Variants in NXN observed in about 807,000 individuals in gnomAD.
NXN encodes nucleoredoxin, also known as nucleoredoxin 1.
In NXN, 16 loss-of-function variants were observed where a neutral mutation model predicts 48.6. That is an observed-to-expected ratio of 0.33 (90% CI 0.22 to 0.50). The LOEUF (loss-of-function observed/expected upper bound fraction) is 0.50. Ranked by LOEUF, NXN falls within the 20% of genes least tolerant of loss-of-function variation. The probability of loss-of-function intolerance (pLI) is 0.98; values close to 1 mark genes in which losing one functional copy is unlikely to be tolerated. For missense variants in NXN, 492 were observed against 605.5 expected, an observed-to-expected ratio of 0.81 and a Z score of 1.97; for synonymous variants, 281 against 269.6, an observed-to-expected ratio of 1.04 and a Z score of -0.41.
In NXN at chr17:825,989, C is replaced by G. The variant is rs1352389995; in HGVS notation, c.450G>C (p.Gly150=). 6.2e-7 allele frequency: 1 copy of G among 1,613,066 alleles called. No homozygotes were observed. Among genetic ancestry groups the G allele is most frequent in the African/African-American group, 1.3e-5 (1 of 74,886 alleles). ...CTGGGTCATCTCGGATCACCAGCAG[C>G]CCGTTCCTGCACACAACCTTCCCAG... The part of the protein sequence containing the change: ...ATTGKVVCRN[G]LLVIRDDPEG... Residue 150 remains glycine, a synonymous_variant, in exon 2 of 8, where the codon GGG becomes GGC. Transcript: ENST00000336868. This position sits in a 1 kb window ranked among gnomAD's most constrained non-coding sequence, Gnocchi z 4.1.
At chr17:903,448 C>G (rs1303946889) in intron 1 of NXN, among the ~76,000 whole-genome samples, 1 of 152,034 alleles carries the variant, frequency 6.6e-6, no homozygotes, top group East Asian at 1.9e-4. Context: ...GTGGTATGAT[C>G]ACAGCTCACT....
chr17:837,474 T>C (rs1361859074), intron 1 of NXN, among the ~76,000 whole-genome samples: 1 of 152,140 alleles, frequency 6.6e-6, no homozygotes, highest in Non-Finnish European at 1.5e-5. Flanking sequence ...AAATGATAGA[T>C]GAACAACAAA....
intron 6 of NXN, 156 bp from the exon 7 acceptor site, chr17:803,962 C>T (rs549563442): frequency 1.6e-5 from 14 of 886,848 alleles, no homozygotes; most frequent in Non-Finnish European, 2.1e-5. Context: ...TCTTGCTCCC[C>T]GCATGCATGG....
chr17:872,314 G>C (rs1461220266), intron 1 of NXN, among the ~76,000 whole-genome samples: 22 of 151,304 alleles, frequency 1.5e-4, no homozygotes. Context: ...CTAGGAGAGA[G>C]AGAGAGAGAG....
intron 1 of NXN, among the ~76,000 whole-genome samples, chr17:971,850 T>C (rs1370847183): frequency 6.6e-6 from 1 of 152,144 alleles, no homozygotes; most frequent in Non-Finnish European, 1.5e-5. Flanking sequence ...CATGCACCAC[T>C]GGGAATTCAG....
chr17:820,061 G>A (rs2467251), intron 4 of NXN, among the ~76,000 whole-genome samples: 101,682 of 151,768 alleles, frequency 0.67, 34,812 homozygotes, highest in African/African-American at 0.81. Flanking sequence ...AGACCCATGT[G>A]GGGCTGGGGT....
intron 1 of NXN, among the ~76,000 whole-genome samples, chr17:953,398 G>A (rs1597272052): frequency 6.6e-6 from 1 of 152,108 alleles, no homozygotes; most frequent in African/African-American, 2.4e-5. Flanking sequence ...CTGGGAGACA[G>A]AGCGAGACTC....
chr17:812,979 TGC>T (rs1912245604), intron 5 of NXN, among the ~76,000 whole-genome samples: 2 of 151,764 alleles, frequency 1.3e-5, no homozygotes, highest in Non-Finnish European at 2.9e-5. Flanking sequence ...TAGGTGTGTG[TGC>T]ACATGTGAAT....
In NXN at chr17:974,653, C is replaced by T. The variant is rs1007071295; in HGVS notation, c.360+4666G>A. ...GACACACAGCTAATAAACGGCAGAG[C>T]GGGGGCGTGAACTCAAGCAGAAGGA... On this transcript the variant is annotated intron_variant, in intron 1 of 7. Coordinates refer to ENST00000336868, the MANE Select transcript of NXN (RefSeq NM_022463.5). Among the ~76,000 whole-genome samples, 11 of 151,444 alleles carry T rather than the reference C, an allele frequency of 7.3e-5. No individual in the cohort carries two copies. The East Asian group carries it at 1.7e-3, about 24-fold the overall frequency.
At chr17:896,856 C>CGGGGGGGGCCGGGGGCGGG in intron 1 of NXN, 1 of 1,156,932 alleles carries the variant, frequency 8.6e-7, no homozygotes, top group Non-Finnish European at 1.1e-6. Flanking sequence ...CGGTCCTGAC[C>CGGGGGGGGCCGGGGGCGGG]ACCCGCCCCC....
intron 1 of NXN, among the ~76,000 whole-genome samples, chr17:856,150 G>A (rs545193381): frequency 3.3e-5 from 5 of 151,518 alleles, no homozygotes; most frequent in Admixed American, 1.3e-4. Context: ...CCAAGGTCGC[G>A]CCACTGCACT....
At chr17:873,762 T>C (rs748918269) in intron 1 of NXN, among the ~76,000 whole-genome samples, 8 of 152,166 alleles carry the variant, frequency 5.3e-5, no homozygotes, top group Non-Finnish European at 1.0e-4. Context: ...TCCTACAGTT[T>C]ATTAAGGAAA....
intron 1 of NXN, among the ~76,000 whole-genome samples, chr17:967,867 G>A (rs1210411739): frequency 6.6e-6 from 1 of 152,028 alleles, no homozygotes; most frequent in African/African-American, 2.4e-5. Context: ...AGCTACTTGG[G>A]AGGCTGAGGC....
At chr17:943,967 G>T (rs929899903) in intron 1 of NXN, among the ~76,000 whole-genome samples, 2 of 152,126 alleles carry the variant, frequency 1.3e-5, no homozygotes, top group Non-Finnish European at 2.9e-5. Context: ...GCCGGGCACG[G>T]TGGCTCACGC....
chr17:837,178 A>G (rs114561694), intron 1 of NXN, among the ~76,000 whole-genome samples: 62 of 152,160 alleles, frequency 4.1e-4, no homozygotes, highest in Non-Finnish European at 5.3e-4. Flanking sequence ...GCGTCTCGCT[A>G]TGTGCCCCAG....
At chr17:888,839 C>G (rs937281087) in intron 1 of NXN, among the ~76,000 whole-genome samples, 4 of 151,724 alleles carry the variant, frequency 2.6e-5, no homozygotes, top group African/African-American at 9.7e-5. Context: ...CCTGTAATCC[C>G]AGCTACCCAG....
chr17:906,405 T>C (rs952400862), intron 1 of NXN, among the ~76,000 whole-genome samples: 3 of 152,214 alleles, frequency 2.0e-5, no homozygotes, highest in Non-Finnish European at 4.4e-5. Context: ...ACCTGCCCGT[T>C]TCCTACTTAA....
At chr17:946,056 G>A (rs926832551) in intron 1 of NXN, among the ~76,000 whole-genome samples, 1 of 152,178 alleles carries the variant, frequency 6.6e-6, no homozygotes, top group Non-Finnish European at 1.5e-5. Flanking sequence ...GAAAGGGAGA[G>A]AGAGAAAGTG....
At chr17:896,855 C>CCCGGGGGGG in intron 1 of NXN, 5 of 1,101,996 alleles carry the variant, frequency 4.5e-6, no homozygotes, top group Non-Finnish European at 5.9e-6. Flanking sequence ...GCGGTCCTGA[C>CCCGGGGGGG]CACCCGCCCC....
Sources: allele counts gnomAD v4.1 joint callset (sites outside exome capture counted in the v4.1 genomes callset), GRCh38; gene constraint gnomAD v4.1.1; non-coding constraint Gnocchi (gnomAD v3.1); transcripts MANE v1.5; gene names NCBI Gene and HGNC (gene_info 2026-07-23, HGNC 2026-07-21).